The following SRSF4 variants were observed in gnomAD, a reference collection of about 807,000 sequenced individuals.
SRSF4 encodes serine/arginine-rich splicing factor 4.
A neutral mutation model predicts 48.8 loss-of-function variants in SRSF4; 12 were observed. That is an observed-to-expected ratio of 0.25 (90% confidence interval 0.16 to 0.40). The LOEUF is 0.40. SRSF4 is among the 10% of genes least tolerant of loss of function. The pLI, the probability that SRSF4 is intolerant of heterozygous loss-of-function variation, is 1.00. For missense variants in SRSF4, 466 were observed against 667.1 expected (o/e 0.70, Z 3.32); for synonymous variants, 248 against 232.5 (o/e 1.07, Z -0.61).
intron 1 of SRSF4, among the ~76,000 whole-genome samples, chr1:29,161,442 C>CA (rs1558389748): frequency 6.6e-6 from 1 of 152,122 alleles, no homozygotes; most frequent in Non-Finnish European, 1.5e-5. Flanking sequence ...AGGAAAGTTA[C>CA]AAGCAATTTC....
chr1:29,158,434 T>TG (rs1672534745), intron 3 of SRSF4, among the ~76,000 whole-genome samples: 1 of 55,540 alleles, frequency 1.8e-5, no homozygotes, highest in Admixed American at 1.7e-4. Context: ...CTTGTAACCC[T>TG]TTTTTTTTTT....
chr1:29,160,562 C>A, intron 1 of SRSF4, 45 bp from the exon 2 acceptor site: 1 of 1,551,958 alleles, frequency 6.4e-7, no homozygotes. Flanking sequence ...ATTTTGACAT[C>A]CAGCTTCACT....
At chr1:29,180,613 T>C (rs1056705451) in intron 1 of SRSF4, among the ~76,000 whole-genome samples, 3 of 152,186 alleles carry the variant, frequency 2.0e-5, no homozygotes, top group Admixed American at 6.5e-5. Flanking sequence ...AGTTTCTTTT[T>C]TAAGCCAAGA....
intron 1 of SRSF4, among the ~76,000 whole-genome samples, chr1:29,178,926 T>C (rs768925183): frequency 1.3e-5 from 2 of 152,256 alleles, no homozygotes; most frequent in Non-Finnish European, 2.9e-5. Flanking sequence ...TGTGTGCTGT[T>C]TGGTGACTGT....
In SRSF4 at chr1:29,147,942, G is replaced by A; in HGVS notation, c.*468C>T. 2 of 389,972 alleles carry A rather than the reference G, an allele frequency of 5.1e-6. No individual in the cohort carries two copies. The highest frequency in any genetic ancestry group is 1.5e-4 in the East Asian group (2 of 13,732). The allele number at this position is 389,972 out of a possible 1,614,324, so 24.2% of individuals were successfully genotyped here. On this transcript the variant is annotated 3_prime_UTR_variant, in exon 6 of 6. Coordinates refer to ENST00000373795, the MANE Select transcript of SRSF4 (RefSeq NM_005626.5). ...CTGCAGGTATCAATTTTCCTCGACT[G>A]TGCTATTCACAACTTTGTTAAGTCC...
intron 4 of SRSF4, among the ~76,000 whole-genome samples, chr1:29,153,416 G>T (rs1672446715): frequency 6.6e-6 from 1 of 152,024 alleles, no homozygotes; most frequent in African/African-American, 2.4e-5. Flanking sequence ...CCAAAGTGCT[G>T]GGATTACAGG....
chr1:29,178,940 A>G (rs1184180019), intron 1 of SRSF4, among the ~76,000 whole-genome samples: 1 of 152,164 alleles, frequency 6.6e-6, no homozygotes, highest in Admixed American at 6.5e-5. Flanking sequence ...TGACTGTCAT[A>G]CCTGTCTTTG....
intron 3 of SRSF4, among the ~76,000 whole-genome samples, chr1:29,158,536 TC>T (rs1672539198): frequency 6.6e-6 from 1 of 151,794 alleles, no homozygotes; most frequent in African/African-American, 2.4e-5. Flanking sequence ...TTCAAGCAAT[TC>T]TCTTGCCTCA....
chr1:29,152,143 A>G (rs1672420308), intron 4 of SRSF4, among the ~76,000 whole-genome samples: 1 of 152,202 alleles, frequency 6.6e-6, no homozygotes, highest in Admixed American at 6.5e-5. Flanking sequence ...AAATTGGAAT[A>G]CAACCTAGAT....
At chr1:29,164,255 C>T (rs1672638560) in intron 1 of SRSF4, among the ~76,000 whole-genome samples, 2 of 152,336 alleles carry the variant, frequency 1.3e-5, no homozygotes, top group South Asian at 2.1e-4. Flanking sequence ...ATCTAAAATA[C>T]CTTTTATGTA....
chr1:29,157,013 G>A (rs969971455), intron 3 of SRSF4, among the ~76,000 whole-genome samples: 1 of 152,232 alleles, frequency 6.6e-6, no homozygotes, highest in Non-Finnish European at 1.5e-5. Flanking sequence ...CAGTTTAAAT[G>A]AATCTCCTTT....
chr1:29,161,509 T>C (rs1358076574), intron 1 of SRSF4, among the ~76,000 whole-genome samples: 2 of 152,230 alleles, frequency 1.3e-5, no homozygotes, highest in Non-Finnish European at 2.9e-5. Flanking sequence ...TTCCTCTGCA[T>C]TTAAACACAC....
At position 29,181,848 on chromosome 1, in the gene SRSF4, G is replaced by GGCGGT; in HGVS notation, c.-97_-96insACCGC. 1 of 1,062,382 alleles carries GGCGGT rather than the reference G, an allele frequency of 9.4e-7. No homozygotes were observed. Among genetic ancestry groups the GGCGGT allele is most frequent in the Non-Finnish European group, 1.2e-6 (1 of 805,336 alleles). 65.8% of individuals were successfully genotyped at this position (1,062,382 alleles called of 1,614,324 possible). A position where few individuals can be genotyped will look rare whatever the true frequency, so the allele number is the denominator to read the frequency against. The stretch of plus-strand genomic sequence containing the variant: ...CGGCGGCAGCGGCGGCGGCGGCAAC[G>GGCGGT]GGCGGGCGGCGGGACGGACGCAGCC... On this transcript the variant is annotated 5_prime_UTR_variant, in exon 1 of 6. Coordinates refer to ENST00000373795, the MANE Select transcript of SRSF4 (RefSeq NM_005626.5).
chr1:29,149,006 T>C lies in SRSF4; in HGVS notation c.889A>G (p.Lys297Glu), dbSNP rs1672357459. ...TGACTCCTGCTCCGACTTTTGCTCT[T>C]ACTTTTATGCCTGCTAGGACTCCGG... is the stretch of plus-strand genomic sequence containing the variant. ...KSRSPSRHKSKSKSRSRSQER... is the reference protein window; with the variant it reads ...KSRSPSRHKSESKSRSRSQER... The change falls in exon 6 of 6, where the codon AAG (lysine) becomes GAG (glutamate). Residue 297 changes from lysine to glutamate, a missense_variant. By Grantham distance (56) the Lys-to-Glu change is moderately conservative. Around this residue, in one of 2 missense-constraint regions of SRSF4, gnomAD observed 402 missense variants for 437.0 expected, o/e 0.92. Coordinates refer to ENST00000373795, the MANE Select transcript of SRSF4 (RefSeq NM_005626.5). 1 of 1,613,886 alleles carries C rather than the reference T, an allele frequency of 6.2e-7. No individual in the cohort carries two copies. Among genetic ancestry groups the C allele is most frequent in the Non-Finnish European group, 8.5e-7 (1 of 1,179,982 alleles).
rs966037124 is a variant in SRSF4, at chr1:29,147,833, ATTCTT to A, written c.*572_*576del. On this transcript the variant is annotated 3_prime_UTR_variant, in exon 6 of 6. Transcript: ENST00000373795. ...ACGGGGAAAAATAAAATTAAAAAAAATTCTTTTCTTTTCTTTTTTAATATAAAACA... is the reference window on the plus strand; with the variant it reads ...ACGGGGAAAAATAAAATTAAAAAAAATTCTTTTCTTTTTTAATATAAAACA... 5.6e-5 allele frequency: 10 copies of A among 179,510 alleles called. No homozygotes were observed. Among genetic ancestry groups the A allele is most frequent in the South Asian group, 2.2e-4 (2 of 9,042 alleles). 11.1% of individuals were successfully genotyped at this position (179,510 alleles called of 1,614,324 possible).
chr1:29,158,100 C>T (rs966843259), intron 3 of SRSF4, among the ~76,000 whole-genome samples: 8 of 151,272 alleles, frequency 5.3e-5, no homozygotes, highest in African/African-American at 1.2e-4. Flanking sequence ...ACCCCAGAGG[C>T]GGAGGTTGCA....
intron 3 of SRSF4, among the ~76,000 whole-genome samples, chr1:29,158,843 C>T (rs150798835): frequency 4.0e-5 from 6 of 151,876 alleles, no homozygotes; most frequent in Non-Finnish European, 5.9e-5. Context: ...AAAATCAGGC[C>T]GGGCGCGGTG....
chr1:29,175,692 C>A (rs1380796941), intron 1 of SRSF4, among the ~76,000 whole-genome samples: 15 of 8,076 alleles, frequency 1.9e-3, no homozygotes, highest in Non-Finnish European at 5.8e-3. Flanking sequence ...CAGACGCTGT[C>A]TCAAAAAAAA....
intron 4 of SRSF4, among the ~76,000 whole-genome samples, chr1:29,151,836 TA>T (rs1435829373): frequency 3.2e-4 from 48 of 152,318 alleles, no homozygotes; most frequent in African/African-American, 1.2e-3. Context: ...TACAACAAAA[TA>T]AATGTACAGT....
Sources: gnomAD v4.1 joint callset for allele counts (sites outside exome capture counted in the v4.1 genomes callset) on GRCh38, gnomAD v4.1.1 for gene constraint, gnomAD v4.1.1 regional missense constraint, MANE v1.5 for transcripts, NCBI Gene and HGNC (gene_info 2026-07-23, HGNC 2026-07-21) for gene names.